The following HS6ST3 variants were observed in gnomAD, a reference collection of about 807,000 sequenced individuals.
HS6ST3 encodes heparan-sulfate 6-O-sulfotransferase 3.
A neutral mutation model predicts 36.7 loss-of-function variants in HS6ST3; 12 were observed. That is an observed-to-expected ratio of 0.33 (90% confidence interval 0.21 to 0.53). The LOEUF (loss-of-function observed/expected upper bound fraction) is 0.53, where lower values mean the gene tolerates loss of function less well. Ranked by LOEUF, HS6ST3 falls within the 20% of genes least tolerant of loss-of-function variation. HS6ST3 has a pLI of 0.95. For synonymous variants in HS6ST3, 240 were observed against 257.5 expected (o/e 0.93, Z 0.65); for missense variants, 584 against 640.9 (o/e 0.91, Z 0.96).
At position 96,090,991 on chromosome 13, in the gene HS6ST3, G is replaced by T. The variant is rs760494272; in HGVS notation, c.129G>T (p.Ala43=). ...SCTNFGEQPR[A]GEAGPPAVPG... ...CCAACTTCGGGGAGCAGCCCCGCGC[G>T]GGGGAGGCCGGCCCGCCCGCCGTCC... is the stretch of plus-strand genomic sequence containing the variant. The change falls in exon 1 of 2, where the codon GCG becomes GCT. Residue 43 remains alanine (A), a synonymous_variant. Transcript: ENST00000376705. 2 of 1,330,624 alleles carry T rather than the reference G, an allele frequency of 1.5e-6. No individual in the cohort carries two copies. The highest frequency in any genetic ancestry group is 1.9e-6 in the Non-Finnish European group (2 of 1,033,014). The allele number at this position is 1,330,624 out of a possible 1,614,324, so 82.4% of individuals were successfully genotyped here.
chr13:96,302,231 A>G (rs1486378731), intron 1 of HS6ST3, among the ~76,000 whole-genome samples: 1 of 152,130 alleles, frequency 6.6e-6, no homozygotes, highest in Non-Finnish European at 1.5e-5. Flanking sequence ...ATTTACCATC[A>G]GGAAGTAATC....
At chr13:96,383,112 G>A (rs141633120) in intron 1 of HS6ST3, among the ~76,000 whole-genome samples, 6 of 152,038 alleles carry the variant, frequency 3.9e-5, no homozygotes, top group African/African-American at 9.7e-5. Flanking sequence ...AGAAAAATTC[G>A]TCAGTTATAT....
intron 1 of HS6ST3, among the ~76,000 whole-genome samples, chr13:96,597,991 A>G (rs2056408031): frequency 6.6e-6 from 1 of 151,930 alleles, no homozygotes; most frequent in African/African-American, 2.4e-5. Context: ...GTACATATTT[A>G]GCTTTGTTTC....
chr13:96,774,937 G>A (rs1325965238), intron 1 of HS6ST3, among the ~76,000 whole-genome samples: 2 of 152,114 alleles, frequency 1.3e-5, no homozygotes, highest in East Asian at 1.9e-4. Flanking sequence ...AGAGAGAAAG[G>A]TTGGGTTACC....
chr13:96,379,216 T>C (rs1432378400), intron 1 of HS6ST3, among the ~76,000 whole-genome samples: 2 of 152,244 alleles, frequency 1.3e-5, no homozygotes, highest in African/African-American at 4.8e-5. Flanking sequence ...AAGTTCTGTT[T>C]GCTATGGTCT....
intron 1 of HS6ST3, among the ~76,000 whole-genome samples, chr13:96,597,160 G>A (rs555313106): frequency 3.9e-5 from 6 of 152,122 alleles, no homozygotes; most frequent in African/African-American, 1.4e-4. Flanking sequence ...GACACAAAGA[G>A]GGCAACAACA....
chr13:96,559,759 A>G (rs1566396722), intron 1 of HS6ST3, among the ~76,000 whole-genome samples: 1 of 152,088 alleles, frequency 6.6e-6, no homozygotes, highest in Non-Finnish European at 1.5e-5. Flanking sequence ...TCCTTGAAGG[A>G]CCATTATGCC....
chr13:96,242,442 C>A (rs767102748), intron 1 of HS6ST3, among the ~76,000 whole-genome samples: 11 of 151,828 alleles, frequency 7.2e-5, no homozygotes, highest in Non-Finnish European at 1.2e-4. Flanking sequence ...TGGTCTTGAA[C>A]CCCTGGGCCC....
At chr13:96,588,477 T>C (rs1472057716) in intron 1 of HS6ST3, among the ~76,000 whole-genome samples, 1 of 152,228 alleles carries the variant, frequency 6.6e-6, no homozygotes, top group African/African-American at 2.4e-5. Flanking sequence ...TTTCTGCATC[T>C]GTTGAAATGA....
In HS6ST3 at chr13:96,611,834, C is replaced by T. The variant is rs561783904; in HGVS notation, c.708-220656C>T. ...AGAAGGGTGGAGACAAGACTGGGGT[C>T]AACAGGAAGCACCTTGAACAGAACA... On this transcript the variant is annotated intron_variant, in intron 1 of 1. Coordinates refer to ENST00000376705, the MANE Select transcript of HS6ST3 (RefSeq NM_153456.4). 3.9e-5 allele frequency among the ~76,000 whole-genome samples: 6 copies of T among 152,204 alleles called. No homozygotes were observed. The South Asian group carries it at 1.0e-3, about 26-fold the overall frequency.
At chr13:96,217,332 G>A (rs1018767537) in intron 1 of HS6ST3, among the ~76,000 whole-genome samples, 3 of 152,164 alleles carry the variant, frequency 2.0e-5, no homozygotes, top group Non-Finnish European at 4.4e-5. Context: ...CTGAATCTTA[G>A]AGATTTAAAA....
At chr13:96,727,498 A>G (rs886481194) in intron 1 of HS6ST3, among the ~76,000 whole-genome samples, 3 of 152,092 alleles carry the variant, frequency 2.0e-5, no homozygotes, top group Non-Finnish European at 4.4e-5. Flanking sequence ...TTCTCCTACA[A>G]TCTGTTCTCT....
intron 1 of HS6ST3, among the ~76,000 whole-genome samples, chr13:96,406,045 C>G (rs927190555): frequency 2.0e-5 from 3 of 152,062 alleles, no homozygotes; most frequent in Middle Eastern, 3.2e-3. Flanking sequence ...AATGTAGTTT[C>G]CTTGAAATTT....
chr13:96,187,019 C>A (rs985529008), intron 1 of HS6ST3, among the ~76,000 whole-genome samples: 1 of 152,182 alleles, frequency 6.6e-6, no homozygotes, highest in African/African-American at 2.4e-5. Flanking sequence ...TGTGATCAGA[C>A]CTGATTTACT....
chr13:96,120,407 A>G (rs896803112), intron 1 of HS6ST3, among the ~76,000 whole-genome samples: 1 of 152,262 alleles, frequency 6.6e-6, no homozygotes, highest in Non-Finnish European at 1.5e-5. Context: ...ATTTTAAGGC[A>G]AGAAAAACTG....
chr13:96,461,400 T>A (rs2055783624), intron 1 of HS6ST3, among the ~76,000 whole-genome samples: 1 of 152,190 alleles, frequency 6.6e-6, no homozygotes, highest in Admixed American at 6.5e-5. Context: ...TAATATTACC[T>A]GAGCCTCTAC....
intron 1 of HS6ST3, among the ~76,000 whole-genome samples, chr13:96,473,668 G>A (rs889641685): frequency 6.6e-6 from 1 of 152,138 alleles, no homozygotes; most frequent in African/African-American, 2.4e-5. Flanking sequence ...ACACTTCCTG[G>A]CTTTTGCAGA....
intron 1 of HS6ST3, among the ~76,000 whole-genome samples, chr13:96,431,470 C>G (rs1272610245): frequency 6.6e-6 from 1 of 152,188 alleles, no homozygotes; most frequent in African/African-American, 2.4e-5. Flanking sequence ...AGGCCCGTTA[C>G]TAAACCTCTC....
intron 1 of HS6ST3, among the ~76,000 whole-genome samples, chr13:96,624,286 TCAAAGGTAA>T (rs2138996776): frequency 6.6e-6 from 1 of 152,284 alleles, no homozygotes; most frequent in African/African-American, 2.4e-5. Context: ...TTTACTTCCT[TCAAAGGTAA>T]CACTTCTGAT....
Sources: allele counts gnomAD v4.1 joint callset (sites outside exome capture counted in the v4.1 genomes callset), GRCh38; gene constraint gnomAD v4.1.1; transcripts MANE v1.5; gene names NCBI Gene and HGNC (gene_info 2026-07-23, HGNC 2026-07-21).